CACNA1D: variants seen among roughly 807,000 people sequenced by gnomAD.
The protein encoded by CACNA1D is calcium voltage-gated channel subunit alpha1 D.
Under a neutral mutation model 257.1 loss-of-function variants are expected in CACNA1D, and 55 were observed. That is an observed-to-expected ratio of 0.21 (90% CI 0.17 to 0.27). The LOEUF (loss-of-function observed/expected upper bound fraction) is 0.27. Among genes scored for constraint, CACNA1D ranks in the 10% least tolerant of loss-of-function variants. CACNA1D has a pLI of 1.00. For synonymous variants in CACNA1D, 980 were observed against 1,014.9 expected (o/e 0.97, Z 0.65); for missense variants, 1,876 against 2,784.0 (o/e 0.67, Z 7.34).
At chr3:53,653,848 C>G (rs577160795) in intron 4 of CACNA1D, among the ~76,000 whole-genome samples, 133 of 145,060 alleles carry the variant, frequency 9.2e-4, no homozygotes, top group Non-Finnish European at 1.7e-3. Context: ...TCAGCAAAGC[C>G]TGAGCAAAAT....
chr3:53,686,391 A>G (rs1373426675), intron 8 of CACNA1D, among the ~76,000 whole-genome samples: 1 of 152,116 alleles, frequency 6.6e-6, no homozygotes, highest in African/African-American at 2.4e-5. Flanking sequence ...AAAACTTTAC[A>G]AAGACATAAT....
chr3:53,750,993 G>C (rs1016639280), intron 27 of CACNA1D, among the ~76,000 whole-genome samples: 2 of 151,034 alleles, frequency 1.3e-5, no homozygotes, highest in African/African-American at 4.9e-5. Context: ...CAGTGCTCCA[G>C]CTGGGCCCTA....
chr3:53,628,605 T>C (rs1300334323), intron 3 of CACNA1D, among the ~76,000 whole-genome samples: 1 of 152,238 alleles, frequency 6.6e-6, no homozygotes, highest in Non-Finnish European at 1.5e-5. Flanking sequence ...GATCAGGTCC[T>C]TCAAGGTCTT....
At chr3:53,597,047 G>T (rs2093379657) in intron 3 of CACNA1D, among the ~76,000 whole-genome samples, 1 of 152,122 alleles carries the variant, frequency 6.6e-6, no homozygotes, top group Non-Finnish European at 1.5e-5. Flanking sequence ...ACATAGGGAA[G>T]AAAGAAATAT....
chr3:53,797,484 C>T (rs1406846719), intron 40 of CACNA1D, among the ~76,000 whole-genome samples: 1 of 152,208 alleles, frequency 6.6e-6, no homozygotes. Context: ...ATTCTTCTCT[C>T]CTCCTCTAAT....
chr3:53,555,992 C>G (rs1390437524), intron 3 of CACNA1D, among the ~76,000 whole-genome samples: 1 of 152,154 alleles, frequency 6.6e-6, no homozygotes, highest in Non-Finnish European at 1.5e-5. Context: ...TTCCTTTACC[C>G]CAGCCCATGG....
At chr3:53,725,865 C>A (rs1168256680) in intron 14 of CACNA1D, among the ~76,000 whole-genome samples, 5 of 152,160 alleles carry the variant, frequency 3.3e-5, no homozygotes, top group South Asian at 2.1e-4. Context: ...CGGAAGATAG[C>A]ATTTTTTTCA....
intron 3 of CACNA1D, among the ~76,000 whole-genome samples, chr3:53,515,647 G>A (rs1333671741): frequency 6.6e-6 from 1 of 152,178 alleles, no homozygotes; most frequent in African/African-American, 2.4e-5. Flanking sequence ...AGGTCACTCG[G>A]GTAAGAGACC....
At chr3:53,790,207 CAAAT>C (rs1343505490) in intron 40 of CACNA1D, among the ~76,000 whole-genome samples, 1 of 152,144 alleles carries the variant, frequency 6.6e-6, no homozygotes, top group Non-Finnish European at 1.5e-5. Flanking sequence ...CCACGAGGGG[CAAAT>C]AAATAAAGGA....
rs748437057 is a variant in CACNA1D at position 53,753,644 on chromosome 3, G to A, written c.3748G>A (p.Val1250Ile). 78 of 1,613,174 alleles carry A rather than the reference G, an allele frequency of 4.8e-5. No homozygotes were observed. The highest frequency in any genetic ancestry group is 6.0e-5 in the Non-Finnish European group (71 of 1,179,200). ...CATGGTCTTCACCGGGGTGTTCACC[G>A]TCGAGATGGTTTTGAAAGTCATCGC... is the stretch of plus-strand genomic sequence containing the variant. Reference protein sequence around the residue: ...LNMVFTGVFTVEMVLKVIAFK... With the variant: ...LNMVFTGVFTIEMVLKVIAFK... The change falls in exon 29 of 48, where the codon GTC becomes ATC. Residue 1250 changes from valine (V) to isoleucine (I), a missense_variant. Around this residue, in one of 10 missense-constraint regions of CACNA1D, gnomAD observed 204 missense variants for 309.4 expected, o/e 0.66. Transcript: ENST00000350061.
intron 29 of CACNA1D, 132 bp downstream of exon 29, chr3:53,753,814 A>G: frequency 2.8e-6 from 2 of 706,300 alleles, no homozygotes; most frequent in Non-Finnish European, 5.2e-6. Flanking sequence ...ACCTGAGAAC[A>G]TTAAAATCTG....
intron 3 of CACNA1D, among the ~76,000 whole-genome samples, chr3:53,619,534 T>C (rs1464309137): frequency 6.6e-6 from 1 of 152,234 alleles, no homozygotes; most frequent in East Asian, 1.9e-4. Flanking sequence ...GGGAGATGGC[T>C]AAGCGGGTGC....
At position 53,718,371 on chromosome 3, in the gene CACNA1D, C is replaced by T. The variant is rs998172032; in HGVS notation, c.1461C>T (p.Gly487=). ...ENVSGEGENR[G]CCGSLCQAIS... ...TCAGCGGTGAAGGCGAGAACCGAGG[C>T]TGCTGTGGAAGTCTCTGGTGAGTGT... The change falls in exon 10 of 48, where the codon GGC becomes GGT. Residue 487 remains glycine (G), a synonymous_variant. Transcript: ENST00000350061. 6.2e-7 allele frequency: 1 copy of T among 1,614,066 alleles called. No individual in the cohort carries two copies. Among genetic ancestry groups the T allele is most frequent in the Non-Finnish European group, 8.5e-7 (1 of 1,179,900 alleles).
rs2577329 is a variant in CACNA1D at position 53,742,830 on chromosome 3, C to G, written c.2812-181C>G. ...TTTAAAATGTATCCAAAATAAGCTGCCCCTTTTTGATTTTTGTTTGAAGAA... is the reference window on the plus strand; with the variant it reads ...TTTAAAATGTATCCAAAATAAGCTGGCCCTTTTTGATTTTTGTTTGAAGAA... On this transcript the variant is annotated intron_variant, in intron 21 of 47. Coordinates refer to ENST00000350061, the MANE Select transcript of CACNA1D (RefSeq NM_001128840.3). 0.78 allele frequency among the ~76,000 whole-genome samples: 118,412 copies of G among 152,172 alleles called. 47,310 individuals carry two copies. The highest frequency in any genetic ancestry group is 1 in the East Asian group (5,179 of 5,182).
At chr3:53,663,362 G>A (rs6802129) in intron 5 of CACNA1D, among the ~76,000 whole-genome samples, 4,304 of 150,544 alleles carry the variant, frequency 0.029, 76 homozygotes, top group East Asian at 0.073. Context: ...GGGAAGGACA[G>A]GGAAGGAGAA....
At chr3:53,764,735 C>T (rs1379553786) in intron 30 of CACNA1D, among the ~76,000 whole-genome samples, 1 of 152,208 alleles carries the variant, frequency 6.6e-6, no homozygotes, top group Non-Finnish European at 1.5e-5. Context: ...CTGTGTTCAC[C>T]TTGCACCAGT....
At chr3:53,639,319 C>T (rs2093921713) in intron 3 of CACNA1D, among the ~76,000 whole-genome samples, 1 of 151,792 alleles carries the variant, frequency 6.6e-6, no homozygotes, top group Non-Finnish European at 1.5e-5. Context: ...TGATAACTGT[C>T]CAGGCATGCA....
chr3:53,520,988 T>TTTTC (rs1163408689), intron 3 of CACNA1D, among the ~76,000 whole-genome samples: 1 of 151,460 alleles, frequency 6.6e-6, no homozygotes, highest in Non-Finnish European at 1.5e-5. Context: ...TTTCTTTTCC[T>TTTTC]TTTCTTTCTT....
rs192491742 is a variant in CACNA1D, at chr3:53,725,930, G to A, written c.2101-949G>A. Reference sequence around the variant, plus strand: ...CATCATGGATTGAATTATCAAGTATGATCAGTAGAGAAGATTAAATTTCAG... The same window carrying A: ...CATCATGGATTGAATTATCAAGTATAATCAGTAGAGAAGATTAAATTTCAG... On this transcript the variant is annotated intron_variant, in intron 14 of 47. Coordinates refer to ENST00000350061, the MANE Select transcript of CACNA1D (RefSeq NM_001128840.3). Among the ~76,000 whole-genome samples the A allele has an allele frequency of 9.9e-4, 151 of 152,266 alleles. 2 individuals carry two copies. The highest frequency in any genetic ancestry group is 3.4e-3 in the Middle Eastern group (1 of 294).
Sources: allele counts gnomAD v4.1 joint callset (sites outside exome capture counted in the v4.1 genomes callset), GRCh38; gene constraint gnomAD v4.1.1; regional missense constraint gnomAD v4.1.1; transcripts MANE v1.5; gene names NCBI Gene and HGNC (gene_info 2026-07-23, HGNC 2026-07-21).